TMEM117: variants seen among roughly 807,000 people sequenced by gnomAD.
The protein encoded by TMEM117 is transmembrane protein 117.
In TMEM117, 27 loss-of-function variants were observed where a neutral mutation model predicts 52.4. The ratio of observed to expected loss-of-function variants is 0.51; its 90% CI spans 0.38 to 0.71. The LOEUF (loss-of-function observed/expected upper bound fraction) is 0.71. Ranked by LOEUF, TMEM117 falls within the 30% of genes least tolerant of loss-of-function variation. The pLI is 0.00. For synonymous variants in TMEM117, 215 were observed against 206.3 expected, an observed-to-expected ratio of 1.04 and a Z score of -0.36; for missense variants, 556 against 630.5, an observed-to-expected ratio of 0.88 and a Z score of 1.26.
rs564461338 is a variant in TMEM117, at chr12:44,118,048, A to C, written c.411-25477A>C. 2.0e-5 allele frequency among the ~76,000 whole-genome samples: 3 copies of C among 152,078 alleles called. No individual in the cohort carries two copies. The East Asian group carries it at 5.8e-4, about 29-fold the overall frequency. ...CCTTGACTTCTTTATTAAAAAAAAAACACGTACAGAGAATATATTGGAAGG... is the reference window on the plus strand; with the variant it reads ...CCTTGACTTCTTTATTAAAAAAAAACCACGTACAGAGAATATATTGGAAGG... On this transcript the variant is annotated intron_variant, in intron 3 of 7. Coordinates refer to ENST00000266534, the MANE Select transcript of TMEM117 (RefSeq NM_032256.3).
intron 3 of TMEM117, among the ~76,000 whole-genome samples, chr12:44,028,569 C>T (rs1946580668): frequency 6.6e-6 from 1 of 152,192 alleles, no homozygotes; most frequent in Non-Finnish European, 1.5e-5. Flanking sequence ...CTCGGTCGTC[C>T]TCACTGCTAC....
At chr12:44,077,221 T>C (rs1362775611) in intron 3 of TMEM117, among the ~76,000 whole-genome samples, 1 of 152,180 alleles carries the variant, frequency 6.6e-6, no homozygotes. Context: ...TCTATCGCCT[T>C]CCAAGCCTGT....
chr12:44,200,485 C>T lies in TMEM117; in HGVS notation c.511-10805C>T, dbSNP rs552447381. ...CTGTTAAAAAAGGAAACAAGCCTCT[C>T]ATGGAAATACTAATTATTTTGGGTG... On this transcript the variant is annotated intron_variant, in intron 4 of 7. Transcript: ENST00000266534. Among the ~76,000 whole-genome samples, 3 of 152,276 alleles carry T rather than the reference C, an allele frequency of 2.0e-5. No individual in the cohort carries two copies. The South Asian group carries it at 6.2e-4, about 32-fold the overall frequency.
upstream of TMEM117, among the ~76,000 whole-genome samples, chr12:43,835,715 C>G (rs549330039): frequency 5.3e-5 from 8 of 152,140 alleles, no homozygotes; most frequent in Admixed American, 1.3e-4. Context: ...CAGCCGCCCC[C>G]CAACCCCCAC....
Position 44,299,672 on chromosome 12 carries a change from G to A in TMEM117, c.701G>A (p.Ser234Asn). 8 of 1,614,222 alleles carry A rather than the reference G, an allele frequency of 5.0e-6. No homozygotes were observed. Among genetic ancestry groups the A allele is most frequent in the Non-Finnish European group, 6.8e-6 (8 of 1,180,034 alleles). ...WDKLNRGFLP[S>N]DEVSRAFLAS... ...AAGCTGAATCGGGGATTTTTGCCCA[G>A]TGATGAAGTTTCCAGAGCATTCCTT... The change falls in exon 6 of 8, where the codon AGT (serine) becomes AAT (asparagine). Residue 234 changes from serine to asparagine, a missense_variant. Physicochemically the swap from Ser to Asn is conservative, Grantham distance 46 (BLOSUM62 1). This residue lies in a region of TMEM117 where 328 missense variants were observed against 371.4 expected (regional missense o/e 0.88). Transcript: ENST00000266534.
chr12:44,374,526 A>T (rs1354362291), intron 6 of TMEM117, among the ~76,000 whole-genome samples: 1 of 151,846 alleles, frequency 6.6e-6, no homozygotes, highest in Non-Finnish European at 1.5e-5. Context: ...AAAAACTAAG[A>T]CTTGTTCTTC....
chr12:44,011,762 G>A (rs1946294281), intron 3 of TMEM117, among the ~76,000 whole-genome samples: 1 of 152,018 alleles, frequency 6.6e-6, no homozygotes, highest in Non-Finnish European at 1.5e-5. Context: ...ACAATATACT[G>A]TAATAAAAGT....
rs28758958 is a variant in TMEM117, at chr12:43,912,461, G to A, written c.278-31749G>A. Among the ~76,000 whole-genome samples, 1,354 of 146,488 alleles carry A rather than the reference G, an allele frequency of 9.2e-3. 30 individuals carry two copies. The highest frequency in any genetic ancestry group is 0.056 in the East Asian group (281 of 4,992). On this transcript the variant is annotated intron_variant, in intron 2 of 7. Transcript: ENST00000266534. ...ATGTATACGTATGTAACTAACCTGC[G>A]CGTTGTGCACATGTACCCTAAAACT...
intron 6 of TMEM117, among the ~76,000 whole-genome samples, chr12:44,311,821 A>ATG (rs1455857730): frequency 1.1e-5 from 1 of 92,504 alleles, no homozygotes. Flanking sequence ...ATGTATATAT[A>ATG]TGTATATATG....
intron 4 of TMEM117, among the ~76,000 whole-genome samples, chr12:44,166,064 C>A (rs945301519): frequency 6.6e-6 from 1 of 152,048 alleles, no homozygotes; most frequent in Non-Finnish European, 1.5e-5. Context: ...AAATCAATAA[C>A]GTGAACTTTA....
At chr12:43,952,088 C>T (rs1393898773) in intron 3 of TMEM117, among the ~76,000 whole-genome samples, 5 of 152,146 alleles carry the variant, frequency 3.3e-5, no homozygotes, top group Non-Finnish European at 7.3e-5. Flanking sequence ...GCAACAATAA[C>T]AACAGCAACA....
intron 7 of TMEM117, among the ~76,000 whole-genome samples, chr12:44,383,762 CT>C (rs1429099374): frequency 2.0e-5 from 3 of 152,090 alleles, no homozygotes; most frequent in African/African-American, 7.2e-5. Flanking sequence ...CTATTCTGTT[CT>C]TTTTTGTCTT....
At chr12:43,969,678 C>T (rs1759790659) in intron 3 of TMEM117, among the ~76,000 whole-genome samples, 1 of 152,158 alleles carries the variant, frequency 6.6e-6, no homozygotes, top group South Asian at 2.1e-4. Context: ...GCCTGTCTCA[C>T]AGTCTTGGTC....
intron 3 of TMEM117, among the ~76,000 whole-genome samples, chr12:44,064,367 T>G (rs367830495): frequency 6.6e-6 from 1 of 152,322 alleles, no homozygotes; most frequent in African/African-American, 2.4e-5. Context: ...TGGAAAAGGG[T>G]TTGGAAGCTC....
At chr12:43,813,231 G>GTTTTTTTTTTTTTTTTTTT in the TMEM117 span, among the ~76,000 whole-genome samples, 7 of 62,618 alleles carry the variant, frequency 1.1e-4, 2 homozygotes, top group Non-Finnish European at 1.9e-4. Context: ...GTTTTCTCTT[G>GTTTTTTTTTTTTTTTTTTT]TTTTTTTTTT....
At chr12:44,275,156 T>A (rs1232621501) in intron 5 of TMEM117, among the ~76,000 whole-genome samples, 1 of 152,134 alleles carries the variant, frequency 6.6e-6, no homozygotes, top group Non-Finnish European at 1.5e-5. Flanking sequence ...TAGACATTTC[T>A]CAAAAGAAGA....
intron 3 of TMEM117, among the ~76,000 whole-genome samples, chr12:44,079,424 A>T (rs1454563372): frequency 6.6e-6 from 1 of 152,138 alleles, no homozygotes; most frequent in African/African-American, 2.4e-5. Context: ...ATGAGATGGT[A>T]TCTCATTGTG....
At chr12:44,072,987 G>C (rs1188016952) in intron 3 of TMEM117, among the ~76,000 whole-genome samples, 2 of 152,024 alleles carry the variant, frequency 1.3e-5, no homozygotes, top group South Asian at 2.1e-4. Context: ...TTACTCAGAA[G>C]GCTGAGGCAG....
chr12:43,943,946 A>T (rs1458614623), intron 2 of TMEM117, among the ~76,000 whole-genome samples: 2 of 152,236 alleles, frequency 1.3e-5, no homozygotes, highest in African/African-American at 2.4e-5. Context: ...AGCATGATGA[A>T]CTATCTCTGA....
Sources: gnomAD v4.1 joint callset for allele counts (sites outside exome capture counted in the v4.1 genomes callset) on GRCh38, gnomAD v4.1.1 for gene constraint, gnomAD v4.1.1 regional missense constraint, MANE v1.5 for transcripts, NCBI Gene and HGNC (gene_info 2026-07-23, HGNC 2026-07-21) for gene names.